The following TMEM71 variants were observed in gnomAD, a reference collection of about 807,000 sequenced individuals.
The protein encoded by TMEM71 is transmembrane protein 71.
Under a neutral mutation model 38.0 loss-of-function variants are expected in TMEM71, and 44 were observed. The ratio of observed to expected loss-of-function variants is 1.16; its 90% CI spans 0.91 to 1.49. TMEM71 has a LOEUF of 1.49. TMEM71 is among the 40% of genes most tolerant of loss of function. TMEM71 has a pLI of 0.00. For synonymous variants in TMEM71, 133 were observed against 122.5 expected, an observed-to-expected ratio of 1.09 and a Z score of -0.56; for missense variants, 367 against 348.6, an observed-to-expected ratio of 1.05 and a Z score of -0.42.
intron 7 of TMEM71, among the ~76,000 whole-genome samples, chr8:132,719,997 G>T (rs1482364265): frequency 6.6e-6 from 1 of 152,036 alleles, no homozygotes; most frequent in Non-Finnish European, 1.5e-5. Flanking sequence ...TGACAGTTTT[G>T]GAAAGTCCTG....
intron 4 of TMEM71, among the ~76,000 whole-genome samples, chr8:132,751,075 ATCTT>A (rs1255437378): frequency 2.0e-5 from 3 of 152,172 alleles, no homozygotes; most frequent in African/African-American, 7.2e-5. Context: ...AGTCACTATT[ATCTT>A]TCTAAGAATA....
chr8:132,719,792 T>C (rs1030957134), intron 7 of TMEM71, among the ~76,000 whole-genome samples: 2 of 152,220 alleles, frequency 1.3e-5, no homozygotes, highest in African/African-American at 2.4e-5. Flanking sequence ...TACTGTGGTA[T>C]GTTTGTCACA....
Position 132,747,071 on chromosome 8 carries a change from G to A in TMEM71, c.358C>T (p.Leu120Phe), listed in dbSNP as rs367605550. 6.2e-7 allele frequency: 1 copy of A among 1,612,488 alleles called. No individual in the cohort carries two copies. Among genetic ancestry groups the A allele is most frequent in the South Asian group, 1.1e-5 (1 of 90,730 alleles). ...KKRICHSFSSLFNLSTSKSWL... is the reference protein window; with the variant it reads ...KKRICHSFSSFFNLSTSKSWL... ...GATTTGGAGGTACTGAGGTTGAAGA[G>A]AGAAGAAAAGGAATGGCAGATTCTC... is the stretch of plus-strand genomic sequence containing the variant. Residue 120 changes from leucine (L) to phenylalanine (F), a missense_variant, in exon 5 of 10, where the codon CTC (leucine) becomes TTC (phenylalanine). Transcript: ENST00000677595.
At chr8:132,765,167 C>G (rs1209377152), upstream of TMEM71, among the ~76,000 whole-genome samples, 3 of 152,188 alleles carry the variant, frequency 2.0e-5, no homozygotes, top group East Asian at 5.8e-4. Context: ...ACCTACATTT[C>G]TCAGAATTCC....
chr8:132,710,037 A>G lies in TMEM71; in HGVS notation c.*930T>C, dbSNP rs1286276670. The G allele has an allele frequency of 1.3e-5, 2 of 152,258 alleles. No homozygotes were observed. The highest frequency in any genetic ancestry group is 4.8e-5 in the African/African-American group (2 of 41,562). The allele number at this position is 152,258 out of a possible 1,614,324, so 9.4% of individuals were successfully genotyped here. The stretch of plus-strand genomic sequence containing the variant: ...TATAAAGTTATATTTTGGCATTATC[A>G]TTTCGAGCAAAGACAATTTTCTGCA... On this transcript the variant is annotated 3_prime_UTR_variant, in exon 10 of 10. Coordinates refer to ENST00000677595, the MANE Select transcript of TMEM71 (RefSeq NM_001382403.1).
At chr8:132,759,964 T>C (rs1356145822) in intron 1 of TMEM71, among the ~76,000 whole-genome samples, 1 of 152,212 alleles carries the variant, frequency 6.6e-6, no homozygotes, top group Non-Finnish European at 1.5e-5. Context: ...AATCCCAGTG[T>C]AATGTAATAT....
chr8:132,752,214 T>G (rs1371590138), intron 3 of TMEM71, among the ~76,000 whole-genome samples: 2 of 152,364 alleles, frequency 1.3e-5, no homozygotes, highest in African/African-American at 4.8e-5. Flanking sequence ...CTTTCTATTT[T>G]AAACTTCAGT....
chr8:132,769,783 T>C, the TMEM71 span, among the ~76,000 whole-genome samples: 3 of 152,242 alleles, frequency 2.0e-5, no homozygotes, highest in African/African-American at 7.2e-5. Flanking sequence ...TAAATTTCTT[T>C]TGTTTAAGCT....
At chr8:132,724,685 G>A (rs1827040357) in intron 6 of TMEM71, among the ~76,000 whole-genome samples, 1 of 152,158 alleles carries the variant, frequency 6.6e-6, no homozygotes, top group South Asian at 2.1e-4. Context: ...AGCTTATGAA[G>A]ATGACAGGAT....
At chr8:132,760,693 A>C (rs780629127), upstream of TMEM71, 4 of 152,246 alleles carry the variant, frequency 2.6e-5, no homozygotes, top group Middle Eastern at 3.1e-3. Context: ...TGTTGGGCTC[A>C]CATCAGTGGC....
chr8:132,728,013 AGTGTGTGTGTGTGT>A (rs59776482), intron 5 of TMEM71, 27 bp from the exon 6 acceptor site: 53 of 1,080,610 alleles, frequency 4.9e-5, no homozygotes, highest in East Asian at 3.6e-4. Flanking sequence ...GTTCAGTGTG[AGTGTGTGTGTGTGT>A]GTGTGTGTGT....
intron 5 of TMEM71, among the ~76,000 whole-genome samples, chr8:132,745,405 A>T (rs577383885): frequency 6.6e-6 from 1 of 152,328 alleles, no homozygotes; most frequent in East Asian, 1.9e-4. Context: ...ACATACATGC[A>T]GCAACAAATG....
upstream of TMEM71, among the ~76,000 whole-genome samples, chr8:132,762,170 C>A (rs1045113197): frequency 6.6e-6 from 1 of 152,232 alleles, no homozygotes; most frequent in Non-Finnish European, 1.5e-5. Context: ...ATTGCTGACT[C>A]TCTGCTGCTT....
chr8:132,756,081 T>A (rs1828986458), intron 3 of TMEM71, among the ~76,000 whole-genome samples: 1 of 152,104 alleles, frequency 6.6e-6, no homozygotes, highest in Non-Finnish European at 1.5e-5. Context: ...ATATGATCTG[T>A]TTATGCTATA....
intron 5 of TMEM71, among the ~76,000 whole-genome samples, chr8:132,743,465 CTAT>C (rs1275712468): frequency 6.6e-6 from 1 of 152,144 alleles, no homozygotes; most frequent in Non-Finnish European, 1.5e-5. Flanking sequence ...TTTTATACTA[CTAT>C]TATCCCAGGA....
intron 6 of TMEM71, among the ~76,000 whole-genome samples, chr8:132,723,943 G>T (rs761752683): frequency 1.3e-5 from 2 of 152,140 alleles, no homozygotes; most frequent in African/African-American, 2.4e-5. Flanking sequence ...CAGCTGGGCT[G>T]CCGGGGGTGA....
intron 5 of TMEM71, among the ~76,000 whole-genome samples, chr8:132,738,692 A>AC (rs1465847717): frequency 6.6e-6 from 1 of 151,552 alleles, no homozygotes; most frequent in Non-Finnish European, 1.5e-5. Flanking sequence ...TTCTGGCCTC[A>AC]CCCCCCACAT....
Position 132,733,523 on chromosome 8 carries a change from G to A in TMEM71, c.488-5537C>T, listed in dbSNP as rs571506404. Among the ~76,000 whole-genome samples, 260 of 152,306 alleles carry A rather than the reference G, an allele frequency of 1.7e-3. 1 individual carries two copies. Among genetic ancestry groups the A allele is most frequent in the Non-Finnish European group, 8.7e-4 (59 of 68,020 alleles). ...CCTGGATACTGAGTTGGGGGTTTTG[G>A]ACTGGGAAATTCCTACTAACCCTGC... On this transcript the variant is annotated intron_variant, in intron 5 of 9. Transcript: ENST00000677595.
At chr8:132,755,002 G>C (rs1011279811) in intron 3 of TMEM71, among the ~76,000 whole-genome samples, 3 of 152,154 alleles carry the variant, frequency 2.0e-5, no homozygotes, top group Non-Finnish European at 2.9e-5. Flanking sequence ...AGTGGGAGAG[G>C]CAAGGTAAAA....
Sources: gnomAD v4.1 joint callset for allele counts (sites outside exome capture counted in the v4.1 genomes callset) on GRCh38, gnomAD v4.1.1 for gene constraint, MANE v1.5 for transcripts, NCBI Gene and HGNC (gene_info 2026-07-23, HGNC 2026-07-21) for gene names.